Variants in UVRAG observed in about 807,000 individuals in gnomAD.
UVRAG encodes UV radiation resistance-associated gene protein.
A neutral mutation model predicts 78.0 loss-of-function variants in UVRAG; 19 were observed. That is an observed-to-expected ratio of 0.24 (90% CI 0.17 to 0.36). UVRAG has a LOEUF of 0.36. Ranked by LOEUF, UVRAG falls within the 10% of genes least tolerant of loss-of-function variation. The probability of loss-of-function intolerance (pLI) is 1.00; values close to 1 mark genes in which losing one functional copy is unlikely to be tolerated. For missense variants in UVRAG, 740 were observed against 853.8 expected, an observed-to-expected ratio of 0.87 and a Z score of 1.66; for synonymous variants, 323 against 324.6, an observed-to-expected ratio of 1.00 and a Z score of 0.05.
At chr11:75,986,035 A>G (rs1368768708) in intron 8 of UVRAG, among the ~76,000 whole-genome samples, 1 of 152,204 alleles carries the variant, frequency 6.6e-6, no homozygotes, top group Non-Finnish European at 1.5e-5. Flanking sequence ...GAATTTCTAC[A>G]TAGAAAAGAA....
At chr11:76,008,430 G>C (rs987620471) in intron 10 of UVRAG, among the ~76,000 whole-genome samples, 6 of 152,120 alleles carry the variant, frequency 3.9e-5, no homozygotes, top group African/African-American at 7.2e-5. Flanking sequence ...AAATTTGATA[G>C]TTTTCTTTTT....
chr11:75,871,731 G>A (rs1317528063), intron 3 of UVRAG, among the ~76,000 whole-genome samples: 2 of 152,170 alleles, frequency 1.3e-5, no homozygotes, highest in Non-Finnish European at 2.9e-5. Context: ...TAAGTGCTGG[G>A]TTGTAGGTTA....
chr11:75,999,715 A>T (rs965916291), intron 8 of UVRAG, among the ~76,000 whole-genome samples: 1 of 152,152 alleles, frequency 6.6e-6, no homozygotes, highest in Non-Finnish European at 1.5e-5. Flanking sequence ...ATGAAGTGGT[A>T]TAATATTACA....
At position 76,144,132 on chromosome 11, in the gene UVRAG, T is replaced by G. The variant is rs1287756268; in HGVS notation, c.*2719T>G. 6.6e-6 allele frequency among the ~76,000 whole-genome samples: 1 copy of G among 152,260 alleles called. No individual in the cohort carries two copies. Among genetic ancestry groups the G allele is most frequent in the Non-Finnish European group, 1.5e-5 (1 of 68,042 alleles). On this transcript the variant is annotated 3_prime_UTR_variant, in exon 15 of 15. Transcript: ENST00000356136. ...CCTAACCAGTTATTTAAATAATTTT[T>G]TAAACCACCACGAATAATAAATGGC...
At chr11:76,114,333 T>TGAA (rs1262085482) in intron 13 of UVRAG, among the ~76,000 whole-genome samples, 1 of 152,134 alleles carries the variant, frequency 6.6e-6, no homozygotes, top group Non-Finnish European at 1.5e-5. Context: ...AAGCTAGGTT[T>TGAA]GAAAAAGGAA....
intron 9 of UVRAG, among the ~76,000 whole-genome samples, chr11:76,005,221 T>C (rs1949908894): frequency 1.3e-5 from 2 of 152,122 alleles, no homozygotes; most frequent in Admixed American, 1.3e-4. Context: ...CGGATGCCTA[T>C]AGTCCCAGCT....
intron 12 of UVRAG, among the ~76,000 whole-genome samples, chr11:76,040,516 C>T (rs943726138): frequency 6.6e-6 from 1 of 151,054 alleles, no homozygotes; most frequent in Non-Finnish European, 1.5e-5. Flanking sequence ...ATGCACAACA[C>T]ACTGGATTTT....
At chr11:75,963,921 G>A (rs1294886094) in intron 7 of UVRAG, among the ~76,000 whole-genome samples, 1 of 152,084 alleles carries the variant, frequency 6.6e-6, no homozygotes, top group Admixed American at 6.5e-5. Flanking sequence ...TGAGCCTCCC[G>A]AGTAGCTGGG....
At chr11:76,134,107 C>T (rs1218024991) in intron 14 of UVRAG, among the ~76,000 whole-genome samples, 1 of 151,500 alleles carries the variant, frequency 6.6e-6, no homozygotes, top group Non-Finnish European at 1.5e-5. Context: ...ATTACAGGTG[C>T]CCACCACTAC....
intron 14 of UVRAG, among the ~76,000 whole-genome samples, chr11:76,139,627 G>A (rs1318130118): frequency 6.6e-6 from 1 of 152,152 alleles, no homozygotes; most frequent in Non-Finnish European, 1.5e-5. Context: ...CTGTTCATAT[G>A]GTTGTATTGA....
At chr11:75,816,892 GATA>G (rs143287000) in intron 1 of UVRAG, among the ~76,000 whole-genome samples, 2,407 of 152,306 alleles carry the variant, frequency 0.016, 82 homozygotes, top group African/African-American at 0.055. Context: ...AAGAGTTGGA[GATA>G]ATAACCACTG....
At chr11:75,924,858 G>A (rs1948061005) in intron 6 of UVRAG, among the ~76,000 whole-genome samples, 1 of 152,170 alleles carries the variant, frequency 6.6e-6, no homozygotes. Flanking sequence ...AATGTAATGG[G>A]TAAGTTAAAT....
chr11:76,039,419 A>T (rs1950599189), intron 12 of UVRAG, among the ~76,000 whole-genome samples: 1 of 152,248 alleles, frequency 6.6e-6, no homozygotes, highest in African/African-American at 2.4e-5. Flanking sequence ...ATCAGAAGGC[A>T]CATAAGGATG....
At chr11:75,883,182 G>A (rs1946990295) in intron 4 of UVRAG, among the ~76,000 whole-genome samples, 1 of 152,106 alleles carries the variant, frequency 6.6e-6, no homozygotes, top group East Asian at 1.9e-4. Flanking sequence ...TGGTTGCAGG[G>A]CTCTAGGCCT....
chr11:75,911,033 C>T (rs181296921), intron 5 of UVRAG, among the ~76,000 whole-genome samples: 7 of 152,224 alleles, frequency 4.6e-5, no homozygotes, highest in Non-Finnish European at 7.4e-5. Flanking sequence ...ACATTGTTTC[C>T]GTGGGAAACT....
intron 12 of UVRAG, among the ~76,000 whole-genome samples, chr11:76,030,563 T>A (rs916946775): frequency 2.0e-5 from 3 of 152,196 alleles, no homozygotes; most frequent in Non-Finnish European, 2.9e-5. Flanking sequence ...TTTACTTTTT[T>A]AGTCATATCC....
At chr11:76,081,717 AT>A (rs1193529449) in intron 13 of UVRAG, among the ~76,000 whole-genome samples, 1 of 152,208 alleles carries the variant, frequency 6.6e-6, no homozygotes, top group Non-Finnish European at 1.5e-5. Context: ...ATTTAAAAAA[AT>A]AATTTGACAT....
intron 3 of UVRAG, among the ~76,000 whole-genome samples, chr11:75,876,637 T>C (rs1946787029): frequency 6.6e-6 from 1 of 151,686 alleles, no homozygotes; most frequent in Non-Finnish European, 1.5e-5. Context: ...TGCTAGGTTA[T>C]CATCATGTTA....
chr11:76,070,234 C>T (rs1951276422), intron 13 of UVRAG, among the ~76,000 whole-genome samples: 1 of 152,158 alleles, frequency 6.6e-6, no homozygotes, highest in Admixed American at 6.5e-5. Flanking sequence ...CAGTCATATG[C>T]AGAATCTTAA....
Sources: gnomAD v4.1 joint callset for allele counts (sites outside exome capture counted in the v4.1 genomes callset) on GRCh38, gnomAD v4.1.1 for gene constraint, MANE v1.5 for transcripts, NCBI Gene and HGNC (gene_info 2026-07-23, HGNC 2026-07-21) for gene names.